TRIML1: variants seen among roughly 807,000 people sequenced by gnomAD.
The protein encoded by TRIML1 is tripartite motif family like 1, also known as probable E3 ubiquitin-protein ligase TRIML1.
Under a neutral mutation model 32.3 loss-of-function variants are expected in TRIML1, and 34 were observed. The observed-to-expected ratio is 1.05, with a 90% CI of 0.80 to 1.40. TRIML1 has a LOEUF of 1.40. Ranked by LOEUF, TRIML1 falls within the 40% of genes most tolerant of loss-of-function variation. TRIML1 has a pLI of 0.00. For missense variants in TRIML1, 595 were observed against 574.9 expected (o/e 1.03, Z -0.36); for synonymous variants, 244 against 226.6 (o/e 1.08, Z -0.69).
chr4:188,138,172 A>C (rs1734719946), upstream of TRIML1, among the ~76,000 whole-genome samples: 1 of 152,168 alleles, frequency 6.6e-6, no homozygotes, highest in Non-Finnish European at 1.5e-5. Context: ...GATTTCAGAA[A>C]GGTGAGTTTT....
Position 188,141,177 on chromosome 4 carries a change from T to G in TRIML1, c.504+554T>G, listed in dbSNP as rs541084567. On this transcript the variant is annotated intron_variant, in intron 2 of 5. Coordinates refer to ENST00000332517, the MANE Select transcript of TRIML1 (RefSeq NM_178556.5). ...GACTTTGAAATCTGTTTTTTTTTTT[T>G]TTTTTTTGGAGATGGAGTCTCTCTC... 1.3e-4 allele frequency among the ~76,000 whole-genome samples: 19 copies of G among 148,586 alleles called. No homozygotes were observed. The South Asian group carries it at 4.2e-3, about 33-fold the overall frequency.
At chr4:188,142,573 T>A in intron 3 of TRIML1, 91 bp downstream of exon 3, 2 of 1,049,708 alleles carry the variant, frequency 1.9e-6, no homozygotes, top group Non-Finnish European at 2.8e-6. Context: ...TTATTCATCT[T>A]AAAAACTAAG....
At chr4:188,141,576 C>T (rs572365915) in intron 2 of TRIML1, among the ~76,000 whole-genome samples, 31 of 152,204 alleles carry the variant, frequency 2.0e-4, no homozygotes, top group Admixed American at 1.4e-3. Flanking sequence ...AATGAACACA[C>T]ATTTTTCATA....
chr4:188,140,179 C>T (rs1170711677), intron 1 of TRIML1, among the ~76,000 whole-genome samples: 2 of 151,108 alleles, frequency 1.3e-5, no homozygotes, highest in African/African-American at 4.9e-5. Context: ...TGGAGTGCAG[C>T]AGTGCGATCT....
intron 2 of TRIML1, among the ~76,000 whole-genome samples, chr4:188,141,441 C>T (rs1286555297): frequency 1.3e-5 from 2 of 152,098 alleles, no homozygotes; most frequent in African/African-American, 4.8e-5. Context: ...GCTGGGATTA[C>T]AGGTGTGAGC....
At chr4:188,149,806 A>T (rs1735203276), downstream of TRIML1, among the ~76,000 whole-genome samples, 3 of 151,792 alleles carry the variant, frequency 2.0e-5, no homozygotes, top group South Asian at 6.3e-4. Flanking sequence ...TTATTTATGT[A>T]TTTATTTATT....
At chr4:188,140,202 C>G (rs866559512) in intron 1 of TRIML1, among the ~76,000 whole-genome samples, 27 of 151,856 alleles carry the variant, frequency 1.8e-4, no homozygotes, top group Middle Eastern at 3.4e-3. Flanking sequence ...GTCACTGCAA[C>G]CTCCGCCTCC....
rs527823355 is a variant in TRIML1, at chr4:188,140,876, T to C, written c.504+253T>C. 26 of 333,780 alleles carry C rather than the reference T, an allele frequency of 7.8e-5. No homozygotes were observed. The East Asian group carries it at 1.3e-3, about 16-fold the overall frequency. The allele number at this position is 333,780 out of a possible 1,614,324, so 20.7% of individuals were successfully genotyped here. A position where few individuals can be genotyped will look rare whatever the true frequency, so the allele number is the denominator to read the frequency against. ...GCTGTGGCTTCCTCTATGATGGCTC[T>C]GGTAGAATTATTTAAAACACAAGTG... On this transcript the variant is annotated intron_variant, in intron 2 of 5. Coordinates refer to ENST00000332517, the MANE Select transcript of TRIML1 (RefSeq NM_178556.5).
At chr4:188,148,351 G>GT (rs112692542), downstream of TRIML1, among the ~76,000 whole-genome samples, 20,098 of 151,684 alleles carry the variant, frequency 0.13, 1,532 homozygotes, top group South Asian at 0.32. Context: ...AAAATTAGCT[G>GT]GGCATGATGG....
chr4:188,146,260 G>A (rs559383877), intron 5 of TRIML1, among the ~76,000 whole-genome samples: 7 of 152,244 alleles, frequency 4.6e-5, no homozygotes, highest in South Asian at 2.1e-4. Context: ...TGAACAGAGC[G>A]ACGCCCATTC....
chr4:188,145,335 G>A (rs1035966513), intron 5 of TRIML1, among the ~76,000 whole-genome samples: 5 of 151,178 alleles, frequency 3.3e-5, no homozygotes, highest in Admixed American at 2.0e-4. Context: ...CCAGCTACTC[G>A]GGAGGCCTAG....
chr4:188,142,566 T>G, intron 3 of TRIML1, 84 bp downstream of exon 3: 1 of 1,137,432 alleles, frequency 8.8e-7, no homozygotes, highest in Non-Finnish European at 1.3e-6. Flanking sequence ...GTTTTCTTTA[T>G]TCATCTTAAA....
Position 188,144,149 on chromosome 4 carries a change from T to C in TRIML1, c.856+16T>C. The C allele has an allele frequency of 5.0e-6, 8 of 1,608,732 alleles. No homozygotes were observed. The highest frequency in any genetic ancestry group is 6.8e-6 in the Non-Finnish European group (8 of 1,175,770). On this transcript the variant is annotated intron_variant, in intron 5 of 5. Transcript: ENST00000332517. ...AAATTCAGCAGTAAGTCAGCCTGAT[T>C]TGTTACCCCTCCGGGGCTCGAAGAA...
At chr4:188,144,651 T>G (rs73023259) in intron 5 of TRIML1, among the ~76,000 whole-genome samples, 1 of 151,814 alleles carries the variant, frequency 6.6e-6, no homozygotes, top group African/African-American at 2.4e-5. Flanking sequence ...CGTGAGCCAC[T>G]GCGCCCAGCC....
At chr4:188,144,969 A>T (rs1033997872) in intron 5 of TRIML1, among the ~76,000 whole-genome samples, 1 of 152,154 alleles carries the variant, frequency 6.6e-6, no homozygotes, top group Non-Finnish European at 1.5e-5. Context: ...TGCTGAATAA[A>T]GCCCTGCCAT....
chr4:188,137,475 CT>C (rs70938701), upstream of TRIML1, among the ~76,000 whole-genome samples: 76,865 of 101,406 alleles, frequency 0.76, 28,691 homozygotes, highest in Non-Finnish European at 0.82. Context: ...GCTATTTTTA[CT>C]TTTTTTTTTT....
At position 188,142,385 on chromosome 4, in the gene TRIML1, A is replaced by G; in HGVS notation, c.638A>G (p.Asn213Ser). 6.2e-7 allele frequency: 1 copy of G among 1,613,940 alleles called. No individual in the cohort carries two copies. The highest frequency in any genetic ancestry group is 2.2e-5 in the East Asian group (1 of 44,858). The change falls in exon 3 of 6, where the codon AAC (asparagine) becomes AGC (serine). Residue 213 changes from asparagine to serine, a missense_variant. Asn to Ser is a conservative substitution (Grantham distance 46). Transcript: ENST00000332517. ...AAAGAGAACATGAGGAAGCTGAGGA[A>G]CAATGAGATCAAACTGACCCAGCAA... ...EEKENMRKLRNNEIKLTQQIR... is the reference protein window; with the variant it reads ...EEKENMRKLRSNEIKLTQQIR...
chr4:188,137,326 G>A (rs1267177135), upstream of TRIML1, among the ~76,000 whole-genome samples: 3 of 125,080 alleles, frequency 2.4e-5, no homozygotes, highest in Non-Finnish European at 3.2e-5. Flanking sequence ...TTTTTGAGAT[G>A]GGATCTTTCT....
chr4:188,137,290 G>A (rs1230665672), upstream of TRIML1, among the ~76,000 whole-genome samples: 1 of 127,894 alleles, frequency 7.8e-6, no homozygotes, highest in Non-Finnish European at 1.6e-5. Context: ...TAGTGTTATT[G>A]TAGTCTTTTT....
Sources: gnomAD v4.1 joint callset for allele counts (sites outside exome capture counted in the v4.1 genomes callset) on GRCh38, gnomAD v4.1.1 for gene constraint, MANE v1.5 for transcripts, NCBI Gene and HGNC (gene_info 2026-07-23, HGNC 2026-07-21) for gene names.